The following JMJD1C variants were observed in gnomAD, a reference collection of about 807,000 sequenced individuals.
JMJD1C encodes jumonji domain-containing protein 1C.
A neutral mutation model predicts 245.3 loss-of-function variants in JMJD1C; 31 were observed. The ratio of observed to expected loss-of-function variants is 0.13; its 90% confidence interval spans 0.09 to 0.17. JMJD1C has a LOEUF of 0.17. Among genes scored for constraint, JMJD1C ranks in the 10% least tolerant of loss-of-function variants. The probability of loss-of-function intolerance (pLI) is 1.00; values close to 1 mark genes in which losing one functional copy is unlikely to be tolerated. For synonymous variants in JMJD1C, 1,057 were observed against 1,017.4 expected, an observed-to-expected ratio of 1.04 and a Z score of -0.74; for missense variants, 2,691 against 3,000.2, an observed-to-expected ratio of 0.90 and a Z score of 2.41.
chr10:63,202,831 G>A (rs1220795961), intron 10 of JMJD1C: 9 of 981,890 alleles, frequency 9.2e-6, no homozygotes, highest in Non-Finnish European at 1.1e-5. Flanking sequence ...TGATAGAATT[G>A]TTATACTGCT....
chr10:63,407,918 A>C (rs1329822556), intron 1 of JMJD1C, among the ~76,000 whole-genome samples: 1 of 152,098 alleles, frequency 6.6e-6, no homozygotes, highest in Non-Finnish European at 1.5e-5. Context: ...AATTTTTCCA[A>C]GTAGAACATA....
Position 63,454,169 on chromosome 10 carries a change from A to G in JMJD1C, c.168+11326T>C, listed in dbSNP as rs190434689. ...CTTTTTGCAATGATGGAAATTTTCTATATTTGTACTATCTGAGACTGTGGA... is the reference window on the plus strand; with the variant it reads ...CTTTTTGCAATGATGGAAATTTTCTGTATTTGTACTATCTGAGACTGTGGA... On this transcript the variant is annotated intron_variant, in intron 1 of 25. Transcript: ENST00000399262. Among the ~76,000 whole-genome samples, 7 of 152,304 alleles carry G rather than the reference A, an allele frequency of 4.6e-5. No homozygotes were observed. The East Asian group carries it at 7.7e-4, about 17-fold the overall frequency.
chr10:63,493,406 T>C (rs1335012561), intron 1 of JMJD1C, among the ~76,000 whole-genome samples: 1 of 151,640 alleles, frequency 6.6e-6, no homozygotes, highest in African/African-American at 2.4e-5. Context: ...CTCCGCCTCA[T>C]GAGTAGCTGC....
At chr10:63,394,086 C>A (rs2134631870) in intron 1 of JMJD1C, among the ~76,000 whole-genome samples, 1 of 151,140 alleles carries the variant, frequency 6.6e-6, no homozygotes, top group African/African-American at 2.4e-5. Context: ...ACTCAGGAGG[C>A]TGATGAAGGA....
intron 2 of JMJD1C, among the ~76,000 whole-genome samples, chr10:63,362,548 C>G (rs1945480421): frequency 6.6e-6 from 1 of 151,926 alleles, no homozygotes; most frequent in Admixed American, 6.6e-5. Flanking sequence ...GGCACAATGA[C>G]AGCTCACTGC....
chr10:63,487,292 A>T (rs1431346122), intron 1 of JMJD1C, among the ~76,000 whole-genome samples: 1 of 152,200 alleles, frequency 6.6e-6, no homozygotes, highest in Non-Finnish European at 1.5e-5. Flanking sequence ...TTTCATCAGG[A>T]CCAAAGATGA....
At chr10:63,440,830 T>G (rs12261605) in intron 1 of JMJD1C, among the ~76,000 whole-genome samples, 21,269 of 152,190 alleles carry the variant, frequency 0.14, 3,461 homozygotes, top group African/African-American at 0.4. Flanking sequence ...CTGTGGTAAC[T>G]GCTTCATACA....
chr10:63,519,027 T>C (rs990253311), intron 1 of JMJD1C, among the ~76,000 whole-genome samples: 2 of 152,214 alleles, frequency 1.3e-5, no homozygotes, highest in African/African-American at 4.8e-5. Flanking sequence ...ATAAACGCTA[T>C]ATGGCTTTTT....
intron 2 of JMJD1C, chr10:63,372,969 G>C (rs766244201): frequency 8.9e-6 from 2 of 225,402 alleles, no homozygotes; most frequent in South Asian, 6.0e-5. Flanking sequence ...AGCCCACCTG[G>C]GTTAGGGTCG....
At chr10:63,235,786 C>T (rs939352535) in intron 3 of JMJD1C, among the ~76,000 whole-genome samples, 38 of 152,200 alleles carry the variant, frequency 2.5e-4, no homozygotes, top group African/African-American at 8.9e-4. Context: ...GCACTTCCCA[C>T]ATACCCTTTT....
chr10:63,364,338 C>A (rs10822163), intron 2 of JMJD1C, among the ~76,000 whole-genome samples: 5 of 152,044 alleles, frequency 3.3e-5, no homozygotes, highest in Non-Finnish European at 7.4e-5. Flanking sequence ...GGCGTGAAGC[C>A]TGGCCCAGTT....
At chr10:63,521,613 A>G in intron 1 of JMJD1C, 2 of 1,378,948 alleles carry the variant, frequency 1.5e-6, no homozygotes. Flanking sequence ...AGCCGGCGCG[A>G]GGCCCAGGGG....
At chr10:63,301,672 G>A in intron 2 of JMJD1C, 1 of 412,678 alleles carries the variant, frequency 2.4e-6, no homozygotes, top group Non-Finnish European at 4.8e-6. Context: ...GCCTGACAAG[G>A]GGAGAGAGAG....
At chr10:63,307,879 G>A (rs532028274) in intron 2 of JMJD1C, among the ~76,000 whole-genome samples, 21 of 152,226 alleles carry the variant, frequency 1.4e-4, no homozygotes, top group Non-Finnish European at 2.8e-4. Context: ...GCTGGGCACG[G>A]TGGGTCACAC....
chr10:63,511,255 T>C (rs903323691), intron 1 of JMJD1C, among the ~76,000 whole-genome samples: 6 of 152,228 alleles, frequency 3.9e-5, no homozygotes, highest in Non-Finnish European at 8.8e-5. Flanking sequence ...TTCCGTCTTT[T>C]ACACTTTTTC....
At chr10:63,439,755 T>C (rs1034283218) in intron 1 of JMJD1C, among the ~76,000 whole-genome samples, 1 of 152,186 alleles carries the variant, frequency 6.6e-6, no homozygotes, top group Non-Finnish European at 1.5e-5. Flanking sequence ...AAACAACATG[T>C]AGATCATAAA....
chr10:63,461,940 G>A (rs181268586), intron 1 of JMJD1C, among the ~76,000 whole-genome samples: 5 of 152,184 alleles, frequency 3.3e-5, no homozygotes. Context: ...TATTATTCAA[G>A]GAGACAAATA....
chr10:63,327,041 G>A (rs2134142588), intron 2 of JMJD1C, among the ~76,000 whole-genome samples: 1 of 152,126 alleles, frequency 6.6e-6, no homozygotes, highest in Non-Finnish European at 1.5e-5. Context: ...ACAAAAATTA[G>A]CCCGGTGTGG....
At chr10:63,283,390 C>G (rs1857625676) in intron 2 of JMJD1C, among the ~76,000 whole-genome samples, 1 of 143,430 alleles carries the variant, frequency 7.0e-6, no homozygotes, top group Admixed American at 7.1e-5. Flanking sequence ...TTTTTGAGAC[C>G]AAGTCTTGCC....
Sources: gnomAD v4.1 joint callset for allele counts (sites outside exome capture counted in the v4.1 genomes callset) on GRCh38, gnomAD v4.1.1 for gene constraint, MANE v1.5 for transcripts, NCBI Gene and HGNC (gene_info 2026-07-23, HGNC 2026-07-21) for gene names.